Variants in THSD4 observed in about 807,000 individuals in gnomAD.
THSD4 encodes the protein thrombospondin type 1 domain containing 4.
THSD4 carries 69 observed loss-of-function variants against 119.0 expected under a neutral mutation model. That is an observed-to-expected ratio of 0.58 (90% confidence interval 0.48 to 0.71). The LOEUF is 0.71. THSD4 is among the 30% of genes least tolerant of loss of function. The pLI, the probability that THSD4 is intolerant of heterozygous loss-of-function variation, is 0.00. For missense variants in THSD4, 1,393 were observed against 1,391.1 expected (o/e 1.00, Z -0.02); for synonymous variants, 524 against 540.4 (o/e 0.97, Z 0.42).
At chr15:71,528,594 C>T (rs2048562389) in intron 7 of THSD4, among the ~76,000 whole-genome samples, 1 of 152,194 alleles carries the variant, frequency 6.6e-6, no homozygotes, top group African/African-American at 2.4e-5. Context: ...GTCAGGCATC[C>T]TTATAGAGGA....
intron 8 of THSD4, among the ~76,000 whole-genome samples, chr15:71,667,229 T>G (rs1236702874): frequency 1.3e-5 from 2 of 152,232 alleles, no homozygotes; most frequent in African/African-American, 4.8e-5. Flanking sequence ...CTTTTGTATG[T>G]GAATTATTCT....
intron 7 of THSD4, among the ~76,000 whole-genome samples, chr15:71,434,157 A>C (rs2046975914): frequency 6.6e-6 from 1 of 152,214 alleles, no homozygotes; most frequent in South Asian, 2.1e-4. Context: ...ATTAATGTCA[A>C]CCTGAACCTA....
chr15:71,752,329 T>C (rs568612450), intron 14 of THSD4, among the ~76,000 whole-genome samples: 26 of 152,362 alleles, frequency 1.7e-4, no homozygotes, highest in African/African-American at 6.0e-4. Flanking sequence ...TAAAGTAATT[T>C]TGCTTTGCAT....
At chr15:71,737,641 T>G (rs892030406) in intron 10 of THSD4, 91 bp from the exon 11 acceptor site, 1 of 1,460,570 alleles carries the variant, frequency 6.8e-7, no homozygotes, top group African/African-American at 1.4e-5. Context: ...GATCTCATGC[T>G]ACACAGTCTC....
At chr15:71,511,256 T>C (rs564965036) in intron 7 of THSD4, among the ~76,000 whole-genome samples, 32 of 152,194 alleles carry the variant, frequency 2.1e-4, no homozygotes, top group African/African-American at 7.2e-4. Flanking sequence ...TTAACAGACA[T>C]TTGGTATTGG....
At chr15:71,558,263 G>A (rs71395022) in intron 7 of THSD4, among the ~76,000 whole-genome samples, 4,180 of 152,258 alleles carry the variant, frequency 0.027, 91 homozygotes, top group Non-Finnish European at 0.043. Flanking sequence ...AGGAGGTGGA[G>A]GTTGCAGTGA....
At chr15:71,556,927 A>T (rs1332824231) in intron 7 of THSD4, among the ~76,000 whole-genome samples, 2 of 152,038 alleles carry the variant, frequency 1.3e-5, no homozygotes, top group Non-Finnish European at 2.9e-5. Flanking sequence ...AAATTCTTGT[A>T]TATCTAATTT....
At chr15:71,645,778 G>A (rs558207030) in intron 7 of THSD4, among the ~76,000 whole-genome samples, 15 of 152,310 alleles carry the variant, frequency 9.8e-5, no homozygotes, top group Admixed American at 8.5e-4. Flanking sequence ...GTGCATGTAG[G>A]CAATGGATAA....
chr15:71,588,343 G>A (rs1161305351), intron 7 of THSD4, among the ~76,000 whole-genome samples: 1 of 150,998 alleles, frequency 6.6e-6, no homozygotes, highest in African/African-American at 2.4e-5. Context: ...ATTGGGAAAA[G>A]TGAGACACAG....
chr15:71,341,763 T>TC (rs780000222), intron 6 of THSD4: 2 of 813,698 alleles, frequency 2.5e-6, no homozygotes, highest in African/African-American at 3.4e-5. Context: ...TCCCTTTTCT[T>TC]CCTTTTTTCT....
chr15:71,770,497 A>G (rs566968661), intron 16 of THSD4, among the ~76,000 whole-genome samples: 2 of 151,884 alleles, frequency 1.3e-5, no homozygotes, highest in Non-Finnish European at 2.9e-5. Flanking sequence ...TCTACTAAAA[A>G]TACAAAACTT....
intron 7 of THSD4, among the ~76,000 whole-genome samples, chr15:71,637,763 T>C (rs1258951785): frequency 2.0e-5 from 3 of 151,960 alleles, no homozygotes; most frequent in African/African-American, 7.3e-5. Flanking sequence ...TTAGCTCTTA[T>C]TGTCCAGGCT....
At chr15:71,628,213 G>A (rs1444115967) in intron 7 of THSD4, among the ~76,000 whole-genome samples, 1 of 152,154 alleles carries the variant, frequency 6.6e-6, no homozygotes, top group Non-Finnish European at 1.5e-5. Flanking sequence ...TTTGAAAGGA[G>A]GGAGGATTCC....
At chr15:71,485,292 G>A (rs947796934) in intron 7 of THSD4, among the ~76,000 whole-genome samples, 5 of 152,160 alleles carry the variant, frequency 3.3e-5, no homozygotes, top group African/African-American at 1.2e-4. Context: ...GCCAAGCTCT[G>A]CCCCTAGTGG....
chr15:71,101,173 ATT>A (rs1371711859), intron 1 of THSD4, among the ~76,000 whole-genome samples: 2 of 151,792 alleles, frequency 1.3e-5, no homozygotes, highest in Non-Finnish European at 2.9e-5. Flanking sequence ...TTCTATTGAT[ATT>A]TTTACTATAT....
chr15:71,165,067 A>T (rs1227107761), intron 3 of THSD4: 1 of 1,606,788 alleles, frequency 6.2e-7, no homozygotes, highest in Non-Finnish European at 8.5e-7. Context: ...ACAGGCCAGG[A>T]TGTTCTCCTT....
chr15:71,215,364 A>C lies in THSD4; in HGVS notation c.429A>C (p.Pro143=). Residue 143 remains proline (P), a synonymous_variant, in exon 4 of 18, where the codon CCA becomes CCC. Transcript: ENST00000261862. ...CGGTGCTGCGAGGCAGCCGGCACCC[A>C]CAGCCCCAGGGCCTCGAAGTCACTG... ...GPTVLRGSRH[P]QPQGLEVTGD... 1 of 1,532,364 alleles carries C rather than the reference A, an allele frequency of 6.5e-7. No homozygotes were observed. Among genetic ancestry groups the C allele is most frequent in the Non-Finnish European group, 8.7e-7 (1 of 1,145,426 alleles). 94.9% of individuals were successfully genotyped at this position (1,532,364 alleles called of 1,614,324 possible).
intron 1 of THSD4, among the ~76,000 whole-genome samples, chr15:71,097,566 GA>G (rs201829384): frequency 1.8e-4 from 25 of 138,736 alleles, no homozygotes; most frequent in Middle Eastern, 3.8e-3. Context: ...ACTCTGTCTC[GA>G]AAAAAAAAAA....
At chr15:71,564,410 G>A (rs2049182961) in intron 7 of THSD4, among the ~76,000 whole-genome samples, 1 of 152,182 alleles carries the variant, frequency 6.6e-6, no homozygotes, top group South Asian at 2.1e-4. Flanking sequence ...GGACATTCAG[G>A]TTAGGGCATG....
Sources: allele counts gnomAD v4.1 joint callset (sites outside exome capture counted in the v4.1 genomes callset), GRCh38; gene constraint gnomAD v4.1.1; transcripts MANE v1.5; gene names NCBI Gene and HGNC (gene_info 2026-07-23, HGNC 2026-07-21).